The following GRID1 variants were observed in gnomAD, a reference collection of about 807,000 sequenced individuals.
GRID1 encodes the protein glutamate receptor ionotropic, delta-1.
In GRID1, 28 loss-of-function variants were observed where a neutral mutation model predicts 98.0. The ratio of observed to expected loss-of-function variants is 0.29; its 90% CI spans 0.21 to 0.39. The LOEUF (loss-of-function observed/expected upper bound fraction) is 0.39, where lower values mean the gene tolerates loss of function less well. Among genes scored for constraint, GRID1 ranks in the 10% least tolerant of loss-of-function variants. The probability of loss-of-function intolerance (pLI) is 1.00; values close to 1 mark genes in which losing one functional copy is unlikely to be tolerated. For missense variants in GRID1, 1,111 were observed against 1,340.5 expected, an observed-to-expected ratio of 0.83 and a Z score of 2.67; for synonymous variants, 553 against 538.5, an observed-to-expected ratio of 1.03 and a Z score of -0.37.
chr10:85,865,921 A>ATATATG (rs1336935301), intron 6 of GRID1, among the ~76,000 whole-genome samples: 1 of 109,836 alleles, frequency 9.1e-6, no homozygotes, highest in African/African-American at 3.8e-5. Context: ...ACATATATAT[A>ATATATG]TATATATATA....
chr10:85,805,582 T>A (rs1249698947), intron 8 of GRID1, among the ~76,000 whole-genome samples: 5 of 151,848 alleles, frequency 3.3e-5, no homozygotes, highest in African/African-American at 1.2e-4. Context: ...TTACATCATG[T>A]GACTATAAAG....
At chr10:86,301,097 G>A (rs1870164) in intron 2 of GRID1, among the ~76,000 whole-genome samples, 104,727 of 152,046 alleles carry the variant, frequency 0.69, 38,878 homozygotes, top group Non-Finnish European at 0.83. Context: ...GGAAGGCTAA[G>A]GGAATAAGTG....
At chr10:86,106,822 T>A (rs573649705) in intron 4 of GRID1, among the ~76,000 whole-genome samples, 1 of 152,052 alleles carries the variant, frequency 6.6e-6, no homozygotes, top group South Asian at 2.1e-4. Context: ...GGCTCCAGGA[T>A]GAGGCCGTTG....
chr10:86,197,830 C>T (rs1322648014), intron 3 of GRID1, among the ~76,000 whole-genome samples: 1 of 151,992 alleles, frequency 6.6e-6, no homozygotes, highest in African/African-American at 2.4e-5. Flanking sequence ...ATTAACACAC[C>T]CCAAAGTACA....
At chr10:85,763,835 A>G (rs1475626976) in intron 8 of GRID1, among the ~76,000 whole-genome samples, 2 of 152,218 alleles carry the variant, frequency 1.3e-5, no homozygotes, top group Non-Finnish European at 2.9e-5. Context: ...GCACATAAAC[A>G]GTATTATCTT....
chr10:86,055,947 T>C (rs1052389985), intron 4 of GRID1, among the ~76,000 whole-genome samples: 4 of 152,182 alleles, frequency 2.6e-5, no homozygotes, highest in Non-Finnish European at 5.9e-5. Flanking sequence ...CCTCCAGAAA[T>C]GTGAGAAAAA....
intron 2 of GRID1, among the ~76,000 whole-genome samples, chr10:86,356,588 A>G (rs1848536721): frequency 6.6e-6 from 1 of 152,358 alleles, no homozygotes; most frequent in South Asian, 2.1e-4. Context: ...TGAAGTGACC[A>G]TGAGGGACCA....
At chr10:86,026,191 A>G (rs940534374) in intron 4 of GRID1, among the ~76,000 whole-genome samples, 4 of 152,248 alleles carry the variant, frequency 2.6e-5, no homozygotes, top group Admixed American at 6.5e-5. Flanking sequence ...TTGGGATATA[A>G]GCGCCACACC....
intron 3 of GRID1, among the ~76,000 whole-genome samples, chr10:86,183,927 T>C (rs1294897105): frequency 6.6e-6 from 1 of 152,268 alleles, no homozygotes; most frequent in Admixed American, 6.5e-5. Flanking sequence ...AACTTCCTGA[T>C]GCTTGGTATA....
intron 8 of GRID1, among the ~76,000 whole-genome samples, chr10:85,733,036 A>G (rs1461943910): frequency 6.6e-6 from 1 of 152,156 alleles, no homozygotes; most frequent in African/African-American, 2.4e-5. Flanking sequence ...ATAGTTTTAG[A>G]TTTACAGAAA....
intron 4 of GRID1, among the ~76,000 whole-genome samples, chr10:86,040,991 C>A (rs1006524400): frequency 2.0e-5 from 3 of 152,126 alleles, no homozygotes; most frequent in Non-Finnish European, 4.4e-5. Context: ...CACAACTTGG[C>A]TCTCTCTGGG....
chr10:85,978,240 C>T (rs1026980392), intron 4 of GRID1, among the ~76,000 whole-genome samples: 2 of 152,164 alleles, frequency 1.3e-5, no homozygotes, highest in South Asian at 2.1e-4. Flanking sequence ...CATGCAGATG[C>T]CAAGGCTATT....
At chr10:85,707,930 A>C (rs1165466459) in intron 12 of GRID1, among the ~76,000 whole-genome samples, 1 of 151,880 alleles carries the variant, frequency 6.6e-6, no homozygotes, top group Non-Finnish European at 1.5e-5. Flanking sequence ...ACATGGACAC[A>C]GGAAGGGGAA....
chr10:86,143,773 G>T (rs1845044622), intron 3 of GRID1, among the ~76,000 whole-genome samples: 1 of 152,234 alleles, frequency 6.6e-6, no homozygotes, highest in Non-Finnish European at 1.5e-5. Flanking sequence ...AAGGCCACTG[G>T]ACACTGCAGG....
chr10:85,847,264 G>A (rs184550992), intron 8 of GRID1, among the ~76,000 whole-genome samples: 235 of 152,252 alleles, frequency 1.5e-3, no homozygotes, highest in Non-Finnish European at 2.6e-3. Context: ...CTGAAATTAT[G>A]AGAAAAATTA....
At chr10:85,628,609 A>AT (rs1842938124) in intron 13 of GRID1, among the ~76,000 whole-genome samples, 2 of 152,194 alleles carry the variant, frequency 1.3e-5, no homozygotes. Context: ...TGTGAGGCAG[A>AT]CCATTGGTGG....
chr10:86,026,078 A>G (rs1843112804), intron 4 of GRID1, among the ~76,000 whole-genome samples: 1 of 152,222 alleles, frequency 6.6e-6, no homozygotes, highest in Non-Finnish European at 1.5e-5. Context: ...CATGCACAAC[A>G]CAAACCCATC....
Position 85,861,174 on chromosome 10 carries a change from A to G in GRID1, c.952-4984T>C, listed in dbSNP as rs1843160801. ...TGAAAATGCATTTGTATCCTCCAAC[A>G]CCACTCGTTCTCTCCCACAAAGCCC... On this transcript the variant is annotated intron_variant, in intron 6 of 15. Coordinates refer to ENST00000327946, the MANE Select transcript of GRID1 (RefSeq NM_017551.3). 2.6e-5 allele frequency among the ~76,000 whole-genome samples: 4 copies of G among 152,230 alleles called. No individual in the cohort carries two copies. In the South Asian group the frequency reaches 6.2e-4, roughly 24 times the overall value.
chr10:85,612,799 G>A (rs980180538), intron 15 of GRID1, among the ~76,000 whole-genome samples: 84 of 152,134 alleles, frequency 5.5e-4, no homozygotes, highest in African/African-American at 2.0e-3. Flanking sequence ...AGTGTGGAGG[G>A]GCAGAATCAG....
Sources: gnomAD v4.1 joint callset for allele counts (sites outside exome capture counted in the v4.1 genomes callset) on GRCh38, gnomAD v4.1.1 for gene constraint, MANE v1.5 for transcripts, NCBI Gene and HGNC (gene_info 2026-07-23, HGNC 2026-07-21) for gene names.